The following MDGA2 variants were observed in gnomAD, a reference collection of about 807,000 sequenced individuals.
MDGA2 encodes the protein MAM domain containing glycosylphosphatidylinositol anchor 2, also known as MAM domain-containing glycosylphosphatidylinositol anchor protein 2.
MDGA2 carries 40 observed loss-of-function variants against 117.8 expected under a neutral mutation model. The observed-to-expected ratio is 0.34, with a 90% CI of 0.26 to 0.44. The LOEUF (loss-of-function observed/expected upper bound fraction) is 0.44, where lower values mean the gene tolerates loss of function less well. Ranked by LOEUF, MDGA2 falls within the 20% of genes least tolerant of loss-of-function variation. The pLI is 1.00. For synonymous variants in MDGA2, 452 were observed against 439.0 expected (o/e 1.03, Z -0.37); for missense variants, 1,123 against 1,250.6 (o/e 0.90, Z 1.54).
At chr14:47,613,483 A>T (rs896061356) in intron 1 of MDGA2, among the ~76,000 whole-genome samples, 1 of 149,992 alleles carries the variant, frequency 6.7e-6, no homozygotes, top group Non-Finnish European at 1.5e-5. Flanking sequence ...TCTCTCTCAC[A>T]CACACACACA....
intron 2 of MDGA2, among the ~76,000 whole-genome samples, chr14:47,226,259 A>G (rs184962193): frequency 4.1e-4 from 61 of 149,216 alleles, no homozygotes; most frequent in African/African-American, 1.4e-3. Context: ...ATAAATAAAT[A>G]AATGGGAGGA....
chr14:47,636,612 C>T (rs951720174), intron 1 of MDGA2, among the ~76,000 whole-genome samples: 3 of 151,810 alleles, frequency 2.0e-5, no homozygotes, highest in Non-Finnish European at 4.4e-5. Context: ...GGTGAAACCC[C>T]ATCTCTACTA....
intron 2 of MDGA2, among the ~76,000 whole-genome samples, chr14:47,280,962 T>C (rs1199636547): frequency 2.0e-5 from 3 of 147,762 alleles, no homozygotes; most frequent in Non-Finnish European, 4.5e-5. Flanking sequence ...ATATATAAGG[T>C]ATATATGATA....
intron 8 of MDGA2, among the ~76,000 whole-genome samples, chr14:46,962,532 C>G (rs1046980526): frequency 6.6e-6 from 1 of 152,160 alleles, no homozygotes; most frequent in Non-Finnish European, 1.5e-5. Flanking sequence ...CAAATACCCT[C>G]AAGGCAAATG....
intron 6 of MDGA2, among the ~76,000 whole-genome samples, chr14:47,093,263 A>C (rs1879773603): frequency 6.6e-6 from 1 of 152,110 alleles, no homozygotes; most frequent in Admixed American, 6.6e-5. Flanking sequence ...CACTGAACTA[A>C]ATGTGGGTTT....
chr14:47,019,763 G>T (rs1888219331), intron 8 of MDGA2, among the ~76,000 whole-genome samples: 1 of 150,044 alleles, frequency 6.7e-6, no homozygotes, highest in Non-Finnish European at 1.5e-5. Context: ...AGAATGACGT[G>T]AACCCGGGAG....
chr14:47,405,182 C>A (rs1478306841), intron 1 of MDGA2, among the ~76,000 whole-genome samples: 1 of 152,078 alleles, frequency 6.6e-6, no homozygotes, highest in Non-Finnish European at 1.5e-5. Context: ...ATCAAAAGTA[C>A]AAAGTAATTA....
intron 15 of MDGA2, among the ~76,000 whole-genome samples, chr14:46,846,386 G>A (rs895775247): frequency 3.3e-5 from 5 of 152,030 alleles, no homozygotes; most frequent in South Asian, 2.1e-4. Context: ...GAATAGGTTC[G>A]TCATATTCCC....
intron 9 of MDGA2, among the ~76,000 whole-genome samples, chr14:46,954,876 AT>A (rs1243849163): frequency 6.6e-6 from 1 of 151,972 alleles, no homozygotes; most frequent in Non-Finnish European, 1.5e-5. Context: ...CTTTTTTCTC[AT>A]TTAAAAATTA....
At chr14:47,213,842 C>T (rs938587420) in intron 3 of MDGA2, among the ~76,000 whole-genome samples, 1 of 152,058 alleles carries the variant, frequency 6.6e-6, no homozygotes, top group Non-Finnish European at 1.5e-5. Flanking sequence ...GTTTAATTGA[C>T]TCACAGTTCA....
intron 10 of MDGA2, among the ~76,000 whole-genome samples, chr14:46,902,426 T>G (rs1036214785): frequency 2.0e-5 from 3 of 152,170 alleles, no homozygotes; most frequent in African/African-American, 7.2e-5. Flanking sequence ...GTAGGTACTT[T>G]TTTTTCTTTT....
At chr14:47,667,278 C>T (rs1897992507) in intron 1 of MDGA2, among the ~76,000 whole-genome samples, 1 of 152,156 alleles carries the variant, frequency 6.6e-6, no homozygotes, top group Non-Finnish European at 1.5e-5. Context: ...TCTTGCCTTC[C>T]TAGTAAGCAG....
chr14:47,537,345 T>C (rs903442496), intron 1 of MDGA2, among the ~76,000 whole-genome samples: 1 of 147,236 alleles, frequency 6.8e-6, no homozygotes, highest in Non-Finnish European at 1.5e-5. Context: ...TTAGGAGATA[T>C]ACCTAATGTA....
chr14:47,602,127 A>C (rs757311815), intron 1 of MDGA2, among the ~76,000 whole-genome samples: 1 of 152,188 alleles, frequency 6.6e-6, no homozygotes, highest in Non-Finnish European at 1.5e-5. Flanking sequence ...ATGCTAACAA[A>C]CTATTTTTTT....
At chr14:46,967,796 C>T (rs1566550772) in intron 8 of MDGA2, among the ~76,000 whole-genome samples, 1 of 152,064 alleles carries the variant, frequency 6.6e-6, no homozygotes, top group East Asian at 1.9e-4. Context: ...GATAAATTTT[C>T]ATTTATTAAT....
intron 8 of MDGA2, among the ~76,000 whole-genome samples, chr14:46,990,536 T>C (rs991344300): frequency 6.6e-6 from 1 of 152,026 alleles, no homozygotes; most frequent in Non-Finnish European, 1.5e-5. Flanking sequence ...CATGTTAACA[T>C]TTGTTACACA....
Position 46,921,389 on chromosome 14 carries a change from T to C in MDGA2, c.2090-1229A>G, listed in dbSNP as rs374503022. On this transcript the variant is annotated intron_variant, in intron 9 of 16. Coordinates refer to ENST00000399232, the MANE Select transcript of MDGA2 (RefSeq NM_001113498.3). ...CAGAGGTGCTCGGATCTCTTGAACCTAGTTGTTAAAGACCCACCAACCTGA... is the reference window on the plus strand; with the variant it reads ...CAGAGGTGCTCGGATCTCTTGAACCCAGTTGTTAAAGACCCACCAACCTGA... Among the ~76,000 whole-genome samples the C allele has an allele frequency of 9.9e-5, 15 of 151,694 alleles. No individual in the cohort carries two copies. In the South Asian group the frequency reaches 3.1e-3, roughly 32 times the overall value.
intron 1 of MDGA2, among the ~76,000 whole-genome samples, chr14:47,504,239 A>T (rs1566488707): frequency 6.6e-6 from 1 of 152,200 alleles, no homozygotes; most frequent in Non-Finnish European, 1.5e-5. Flanking sequence ...ATGGTTTTTT[A>T]AACCATAATT....
intron 7 of MDGA2, among the ~76,000 whole-genome samples, chr14:47,057,573 C>T (rs1464175771): frequency 6.8e-6 from 1 of 146,996 alleles, no homozygotes; most frequent in Admixed American, 7.1e-5. Context: ...CAAATTCAAA[C>T]TCCAAAACAC....
Sources: gnomAD v4.1 joint callset for allele counts (sites outside exome capture counted in the v4.1 genomes callset) on GRCh38, gnomAD v4.1.1 for gene constraint, MANE v1.5 for transcripts, NCBI Gene and HGNC (gene_info 2026-07-23, HGNC 2026-07-21) for gene names.